Variants in EPDR1 observed in about 807,000 individuals in gnomAD.
EPDR1 encodes the protein ependymin related 1, also known as mammalian ependymin-related protein 1.
A neutral mutation model predicts 23.7 loss-of-function variants in EPDR1; 27 were observed. The observed-to-expected ratio is 1.14, with a 90% CI of 0.84 to 1.57. The LOEUF is 1.57. Ranked by LOEUF, EPDR1 falls within the 40% of genes most tolerant of loss-of-function variation. The probability of loss-of-function intolerance (pLI) is 0.00; values close to 1 mark genes in which losing one functional copy is unlikely to be tolerated. For synonymous variants in EPDR1, 137 were observed against 118.2 expected, an observed-to-expected ratio of 1.16 and a Z score of -1.03; for missense variants, 349 against 290.4, an observed-to-expected ratio of 1.20 and a Z score of -1.47.
chr7:37,935,019 A>AT, intron 1 of EPDR1, among the ~76,000 whole-genome samples: 1 of 152,320 alleles, frequency 6.6e-6, no homozygotes, highest in South Asian at 2.1e-4. Context: ...TTTATATAGC[A>AT]TTTACATTGT....
intron 1 of EPDR1, among the ~76,000 whole-genome samples, chr7:37,925,006 G>A (rs1785787084): frequency 6.6e-6 from 1 of 152,182 alleles, no homozygotes; most frequent in South Asian, 2.1e-4. Flanking sequence ...TCCAGGCTCT[G>A]TTTTCCCTGA....
At chr7:37,949,230 T>G (rs996473730) in intron 2 of EPDR1, among the ~76,000 whole-genome samples, 182 bp downstream of exon 2, 1 of 152,220 alleles carries the variant, frequency 6.6e-6, no homozygotes, top group Non-Finnish European at 1.5e-5. Flanking sequence ...GCTTCATATT[T>G]GAAACACCTC....
rs186204933 is a variant in EPDR1, at chr7:37,931,287, G to A, written c.269+10079G>A. On this transcript the variant is annotated intron_variant, in intron 1 of 2. Transcript: ENST00000199448. ...CCAGCACTTTGGGAGGCCGAGGCGG[G>A]TGGATCACCTGAGGTCAGGAGTTTG... Among the ~76,000 whole-genome samples the A allele has an allele frequency of 1.7e-3, 253 of 152,298 alleles. 3 individuals carry two copies. Among genetic ancestry groups the A allele is most frequent in the African/African-American group, 5.0e-3 (206 of 41,560 alleles).
intron 1 of EPDR1, among the ~76,000 whole-genome samples, chr7:37,940,291 A>C (rs1037224147): frequency 2.0e-5 from 3 of 152,238 alleles, no homozygotes; most frequent in African/African-American, 7.2e-5. Context: ...TATAAGGAGC[A>C]TGAGGAATAG....
chr7:37,922,216 G>A (rs1583660151), intron 1 of EPDR1, among the ~76,000 whole-genome samples: 1 of 152,068 alleles, frequency 6.6e-6, no homozygotes, highest in South Asian at 2.1e-4. Flanking sequence ...TAGCAAAAGG[G>A]CACCATTAGT....
At chr7:37,943,125 C>A (rs1379405299) in intron 1 of EPDR1, among the ~76,000 whole-genome samples, 1 of 152,228 alleles carries the variant, frequency 6.6e-6, no homozygotes, top group African/African-American at 2.4e-5. Context: ...GTGAACTATG[C>A]TTTGCTTGGT....
chr7:37,939,348 C>A (rs984452120), intron 1 of EPDR1, among the ~76,000 whole-genome samples: 2 of 152,086 alleles, frequency 1.3e-5, no homozygotes, highest in African/African-American at 4.8e-5. Context: ...AAATCTTAAT[C>A]TTAATATTGA....
chr7:37,927,634 T>A (rs1785844812), intron 1 of EPDR1, among the ~76,000 whole-genome samples: 1 of 152,236 alleles, frequency 6.6e-6, no homozygotes. Context: ...ATTCTCAGTA[T>A]GTCATCATTA....
At chr7:37,932,311 C>T (rs2598109) in intron 1 of EPDR1, among the ~76,000 whole-genome samples, 123,403 of 152,096 alleles carry the variant, frequency 0.81, 50,296 homozygotes, top group Middle Eastern at 0.86. Flanking sequence ...TTTATTTACT[C>T]ATTTATTTAG....
chr7:37,939,304 A>C (rs1420028081), intron 1 of EPDR1, among the ~76,000 whole-genome samples: 2 of 152,034 alleles, frequency 1.3e-5, no homozygotes, highest in Non-Finnish European at 2.9e-5. Flanking sequence ...TCACAAATTG[A>C]TGTGGATGAA....
In EPDR1 at chr7:37,951,795, A is replaced by C. The variant is rs1189320932; in HGVS notation, c.*1399A>C. ...TATAATGAAAACAATCTCATTACTTATAGTTTATCTATATTAAACAAATTT... is the reference window on the plus strand; with the variant it reads ...TATAATGAAAACAATCTCATTACTTCTAGTTTATCTATATTAAACAAATTT... On this transcript the variant is annotated 3_prime_UTR_variant, in exon 3 of 3. Coordinates refer to ENST00000199448, the MANE Select transcript of EPDR1 (RefSeq NM_017549.5). 2 of 151,386 alleles carry C rather than the reference A, an allele frequency of 1.3e-5. No homozygotes were observed. Among genetic ancestry groups the C allele is most frequent in the Non-Finnish European group, 2.9e-5 (2 of 67,854 alleles). The allele number at this position is 151,386 out of a possible 1,614,324, so 9.4% of individuals were successfully genotyped here.
rs555796913 is a variant in EPDR1 at position 37,933,273 on chromosome 7, A to AT, written c.269+12071dup. Among the ~76,000 whole-genome samples, 13 of 152,296 alleles carry AT rather than the reference A, an allele frequency of 8.5e-5. No homozygotes were observed. In the East Asian group the frequency reaches 2.3e-3, roughly 27 times the overall value. On this transcript the variant is annotated intron_variant, in intron 1 of 2. Transcript: ENST00000199448. ...ATTAAACAAATCCAAAGTTTGTTCAATTTTTTCCATAAAAGCCAAAGTCCT... is the reference window on the plus strand; with the variant it reads ...ATTAAACAAATCCAAAGTTTGTTCAATTTTTTTCCATAAAAGCCAAAGTCCT...
chr7:37,931,877 A>G (rs1785947905), intron 1 of EPDR1, among the ~76,000 whole-genome samples: 1 of 151,728 alleles, frequency 6.6e-6, no homozygotes, highest in Admixed American at 6.6e-5. Flanking sequence ...TTATTTATTT[A>G]TTTATTTTTT....
intron 1 of EPDR1, among the ~76,000 whole-genome samples, chr7:37,929,955 T>A (rs17834567): frequency 0.17 from 26,281 of 152,194 alleles, 2,399 homozygotes; most frequent in Middle Eastern, 0.23. Flanking sequence ...CAGTGCCTTT[T>A]TGAGTCGGGA....
intron 1 of EPDR1, among the ~76,000 whole-genome samples, chr7:37,945,748 T>C (rs1786262397): frequency 6.6e-6 from 1 of 152,168 alleles, no homozygotes; most frequent in African/African-American, 2.4e-5. Context: ...AAGTCAGGGG[T>C]ACATGTGCAG....
At chr7:37,933,045 G>T (rs1326708500) in intron 1 of EPDR1, among the ~76,000 whole-genome samples, 1 of 152,072 alleles carries the variant, frequency 6.6e-6, no homozygotes, top group African/African-American at 2.4e-5. Flanking sequence ...TTTTCCTTTT[G>T]TTATATGTGA....
rs1229224751 is a variant in EPDR1 at position 37,948,903 on chromosome 7, G to C, written c.333G>C (p.Lys111Asn). The change falls in exon 2 of 3, where the codon AAG (lysine) becomes AAC (asparagine). Residue 111 changes from lysine (K) to asparagine (N), a missense_variant. Coordinates refer to ENST00000199448, the MANE Select transcript of EPDR1 (RefSeq NM_017549.5). Reference protein sequence around the residue: ...GVMFQIDQATKQCSKMTLTQP... With the variant: ...GVMFQIDQATNQCSKMTLTQP... ...TGTTTCAGATTGACCAAGCCACCAAGCAGTGCTCAAAGATGACCCTGACAC... is the reference window on the plus strand; with the variant it reads ...TGTTTCAGATTGACCAAGCCACCAACCAGTGCTCAAAGATGACCCTGACAC... 6.2e-7 allele frequency: 1 copy of C among 1,614,000 alleles called. No individual in the cohort carries two copies. Among genetic ancestry groups the C allele is most frequent in the Non-Finnish European group, 8.5e-7 (1 of 1,180,030 alleles).
intron 1 of EPDR1, among the ~76,000 whole-genome samples, chr7:37,923,282 A>G (rs999412427): frequency 1.3e-5 from 2 of 152,202 alleles, no homozygotes; most frequent in African/African-American, 4.8e-5. Flanking sequence ...GGTAGTAGCG[A>G]TGGAAATGGT....
At chr7:37,941,522 GA>G (rs1786172162) in intron 1 of EPDR1, among the ~76,000 whole-genome samples, 1 of 152,120 alleles carries the variant, frequency 6.6e-6, no homozygotes, top group Non-Finnish European at 1.5e-5. Context: ...AACTCAAATC[GA>G]AAAGAGCCTT....
Sources: gnomAD v4.1 joint callset for allele counts (sites outside exome capture counted in the v4.1 genomes callset) on GRCh38, gnomAD v4.1.1 for gene constraint, MANE v1.5 for transcripts, NCBI Gene and HGNC (gene_info 2026-07-23, HGNC 2026-07-21) for gene names.